Variants in CDC42BPA observed in about 807,000 individuals in gnomAD.
CDC42BPA encodes the protein serine/threonine-protein kinase MRCK alpha.
A neutral mutation model predicts 223.5 loss-of-function variants in CDC42BPA; 80 were observed. The observed-to-expected ratio is 0.36, with a 90% CI of 0.30 to 0.43. The LOEUF (loss-of-function observed/expected upper bound fraction) is 0.43, where lower values mean the gene tolerates loss of function less well. Among genes scored for constraint, CDC42BPA ranks in the 20% least tolerant of loss-of-function variants. The pLI is 1.00. For synonymous variants in CDC42BPA, 694 were observed against 718.6 expected (o/e 0.97, Z 0.55); for missense variants, 1,743 against 2,099.9 (o/e 0.83, Z 3.32).
At chr1:227,056,751 A>T (rs1674656525) in intron 21 of CDC42BPA, among the ~76,000 whole-genome samples, 1 of 152,232 alleles carries the variant, frequency 6.6e-6, no homozygotes, top group Non-Finnish European at 1.5e-5. Flanking sequence ...AAAACAAAGT[A>T]GAAGGTAATT....
chr1:227,063,441 T>G (rs774904444), intron 21 of CDC42BPA, among the ~76,000 whole-genome samples: 5 of 152,132 alleles, frequency 3.3e-5, no homozygotes, highest in Non-Finnish European at 4.4e-5. Context: ...CCTAGAGGTC[T>G]TATTTAATAA....
At chr1:227,203,035 C>T (rs1672060250) in intron 3 of CDC42BPA, among the ~76,000 whole-genome samples, 1 of 152,158 alleles carries the variant, frequency 6.6e-6, no homozygotes, top group African/African-American at 2.4e-5. Flanking sequence ...CCCCCTCCTA[C>T]TAATGAACTC....
At chr1:227,019,791 T>C (rs1667034899) in intron 32 of CDC42BPA, among the ~76,000 whole-genome samples, 1 of 152,206 alleles carries the variant, frequency 6.6e-6, no homozygotes, top group Non-Finnish European at 1.5e-5. Flanking sequence ...GAGCAGTAGA[T>C]CTCAACAGTG....
intron 1 of CDC42BPA, among the ~76,000 whole-genome samples, chr1:227,307,961 C>T (rs774062957): frequency 1.3e-5 from 2 of 152,144 alleles, no homozygotes; most frequent in Non-Finnish European, 2.9e-5. Flanking sequence ...TAACTTGATA[C>T]TTACTGAAGA....
Position 227,190,869 on chromosome 1 carries a change from CAG to C in CDC42BPA, c.599+2915_599+2916del, listed in dbSNP as rs750907047. Among the ~76,000 whole-genome samples, 319 of 152,034 alleles carry C rather than the reference CAG, an allele frequency of 2.1e-3. 1 individual carries two copies. Among genetic ancestry groups the C allele is most frequent in the Admixed American group, 3.7e-3 (57 of 15,276 alleles). The stretch of plus-strand genomic sequence containing the variant: ...GAGGGAGAAGAGGTGTAGGAATGGG[CAG>C]AGTGTGTGGTGGGGGGTTAAGACAA... On this transcript the variant is annotated intron_variant, in intron 5 of 36. Transcript: ENST00000366766.
At chr1:227,009,816 G>A (rs907685945) in intron 34 of CDC42BPA, among the ~76,000 whole-genome samples, 1 of 151,936 alleles carries the variant, frequency 6.6e-6, no homozygotes, top group Non-Finnish European at 1.5e-5. Context: ...AATTTTGTCA[G>A]ATAAGATATT....
chr1:227,219,888 A>G (rs1675531869), intron 2 of CDC42BPA, among the ~76,000 whole-genome samples: 1 of 152,228 alleles, frequency 6.6e-6, no homozygotes, highest in Non-Finnish European at 1.5e-5. Flanking sequence ...CTGTCTTGAA[A>G]TAACAGAGTT....
At chr1:227,027,485 G>T (rs752545779) in intron 30 of CDC42BPA, among the ~76,000 whole-genome samples, 1 of 152,026 alleles carries the variant, frequency 6.6e-6, no homozygotes, top group African/African-American at 2.4e-5. Flanking sequence ...CCTTCTTGGC[G>T]GTCTTACTCT....
At chr1:227,166,871 A>G (rs1424506461) in intron 5 of CDC42BPA, among the ~76,000 whole-genome samples, 1 of 152,188 alleles carries the variant, frequency 6.6e-6, no homozygotes, top group African/African-American at 2.4e-5. Flanking sequence ...AAACAAGCAT[A>G]GATACTTCAT....
intron 23 of CDC42BPA, among the ~76,000 whole-genome samples, chr1:227,041,292 C>A (rs955449435): frequency 6.6e-6 from 1 of 151,928 alleles, no homozygotes; most frequent in African/African-American, 2.4e-5. Context: ...GCCCTGGCAC[C>A]CCTCCCTCCT....
intron 2 of CDC42BPA, chr1:227,235,066 T>G (rs2148032632): frequency 6.6e-6 from 1 of 152,208 alleles, no homozygotes; most frequent in East Asian, 1.9e-4. Flanking sequence ...TCATGGCTGA[T>G]ATTTACAAGA....
chr1:227,039,528 C>T (rs1336790006), intron 24 of CDC42BPA, among the ~76,000 whole-genome samples: 1 of 151,908 alleles, frequency 6.6e-6, no homozygotes, highest in Admixed American at 6.6e-5. Context: ...TAAAGGAATA[C>T]CCAAACAAAT....
chr1:227,083,066 T>C (rs1471262703), intron 16 of CDC42BPA, among the ~76,000 whole-genome samples: 1 of 152,136 alleles, frequency 6.6e-6, no homozygotes, highest in Non-Finnish European at 1.5e-5. Flanking sequence ...GTTTGTGGTA[T>C]TTCTTGAATT....
At chr1:227,044,013 G>A (rs533745640) in intron 23 of CDC42BPA, among the ~76,000 whole-genome samples, 63 of 152,142 alleles carry the variant, frequency 4.1e-4, no homozygotes, top group African/African-American at 1.5e-3. Context: ...CATCCATGAC[G>A]TCATCTTACT....
chr1:227,144,342 T>C (rs6675179), intron 8 of CDC42BPA, among the ~76,000 whole-genome samples: 139,432 of 152,008 alleles, frequency 0.92, 64,112 homozygotes, highest in Middle Eastern at 0.96. Flanking sequence ...TTTGGGAGGC[T>C]GAGGAGGGCG....
chr1:227,254,402 CAT>C (rs1682695096), intron 1 of CDC42BPA, among the ~76,000 whole-genome samples: 1 of 151,962 alleles, frequency 6.6e-6, no homozygotes, highest in Non-Finnish European at 1.5e-5. Flanking sequence ...CTCCAAATAA[CAT>C]ATAAAAGAAT....
At chr1:227,292,755 T>C (rs1339368881) in intron 1 of CDC42BPA, among the ~76,000 whole-genome samples, 1 of 152,192 alleles carries the variant, frequency 6.6e-6, no homozygotes, top group Non-Finnish European at 1.5e-5. Flanking sequence ...CTTCCACAAC[T>C]ATACAATAGC....
chr1:227,297,230 T>G (rs184023038), intron 1 of CDC42BPA, among the ~76,000 whole-genome samples: 75 of 152,336 alleles, frequency 4.9e-4, no homozygotes, highest in Non-Finnish European at 9.4e-4. Flanking sequence ...AAAGCCACAA[T>G]GAACCACCTA....
Position 227,145,534 on chromosome 1 carries a change from T to C in CDC42BPA, c.1098A>G (p.Thr366=). 1 of 1,613,648 alleles carries C rather than the reference T, an allele frequency of 6.2e-7. No individual in the cohort carries two copies. Among genetic ancestry groups the C allele is most frequent in the Non-Finnish European group, 8.5e-7 (1 of 1,179,658 alleles). The change falls in exon 8 of 37, where the codon ACA becomes ACG. Residue 366 remains threonine, a synonymous_variant. Coordinates refer to ENST00000366766, the MANE Select transcript of CDC42BPA (RefSeq NM_001394014.1). The part of the protein sequence containing the change: ...APYIPEVSSP[T]DTSNFDVDDD... ...CATCTACATCAAAATTCGATGTATC[T>C]GTTGGGCTACTAACTTCTGGAATAT...
Sources: gnomAD v4.1 joint callset for allele counts (sites outside exome capture counted in the v4.1 genomes callset) on GRCh38, gnomAD v4.1.1 for gene constraint, MANE v1.5 for transcripts, NCBI Gene and HGNC (gene_info 2026-07-23, HGNC 2026-07-21) for gene names.